Variants in RREB1 observed in about 807,000 individuals in gnomAD.
The protein encoded by RREB1 is ras responsive element binding protein 1, also known as ras-responsive element-binding protein 1.
A neutral mutation model predicts 117.8 loss-of-function variants in RREB1; 27 were observed. The ratio of observed to expected loss-of-function variants is 0.23; its 90% CI spans 0.17 to 0.32. The LOEUF (loss-of-function observed/expected upper bound fraction) is 0.32. Ranked by LOEUF, RREB1 falls within the 10% of genes least tolerant of loss-of-function variation. RREB1 has a pLI of 1.00. For synonymous variants in RREB1, 1,298 were observed against 1,026.7 expected, an observed-to-expected ratio of 1.26 and a Z score of -5.05; for missense variants, 2,577 against 2,378.2, an observed-to-expected ratio of 1.08 and a Z score of -1.74.
chr6:7,211,131 GC>G (rs1352442378), intron 7 of RREB1, among the ~76,000 whole-genome samples, 183 bp downstream of exon 7: 1 of 152,234 alleles, frequency 6.6e-6, no homozygotes, highest in Non-Finnish European at 1.5e-5. Flanking sequence ...TTCCTCTTGA[GC>G]CCCTCTGCTG....
intron 6 of RREB1, among the ~76,000 whole-genome samples, chr6:7,205,966 G>T (rs1766249367): frequency 6.6e-6 from 1 of 152,158 alleles, no homozygotes; most frequent in African/African-American, 2.4e-5. Flanking sequence ...AAAAACATCT[G>T]CTATATTTGT....
At chr6:7,202,622 G>A (rs1228986357) in intron 6 of RREB1, among the ~76,000 whole-genome samples, 1 of 152,182 alleles carries the variant, frequency 6.6e-6, no homozygotes, top group Non-Finnish European at 1.5e-5. Context: ...GGGATATTCA[G>A]CATCCCTGCT....
Position 7,160,588 on chromosome 6 carries a change from C to G in RREB1, c.-284-16067C>G, listed in dbSNP as rs148985015. Among the ~76,000 whole-genome samples the G allele has an allele frequency of 2.7e-4, 41 of 152,270 alleles. 2 individuals carry two copies. The East Asian group carries it at 7.9e-3, about 29-fold the overall frequency. ...GCAGTGGTGTGATCACCGCTCACTG[C>G]AGCCTTGACCTCCTGAGCTCAAACA... On this transcript the variant is annotated intron_variant, in intron 1 of 12. Coordinates refer to ENST00000379938, the MANE Select transcript of RREB1 (RefSeq NM_001003699.4).
chr6:7,144,057 T>C (rs1487730367), intron 1 of RREB1, among the ~76,000 whole-genome samples: 1 of 149,128 alleles, frequency 6.7e-6, no homozygotes, highest in Middle Eastern at 3.2e-3. Flanking sequence ...TTTTGTGGCT[T>C]GGTTTTGCAC....
At chr6:7,154,343 TATC>T (rs1417715598) in intron 1 of RREB1, among the ~76,000 whole-genome samples, 1 of 152,194 alleles carries the variant, frequency 6.6e-6, no homozygotes, top group Non-Finnish European at 1.5e-5. Context: ...AGAAATCTGT[TATC>T]ATAAGCTCTC....
intron 8 of RREB1, among the ~76,000 whole-genome samples, chr6:7,224,783 T>C (rs1767485377): frequency 6.6e-6 from 1 of 152,150 alleles, no homozygotes; most frequent in Non-Finnish European, 1.5e-5. Flanking sequence ...ATTATCCAGA[T>C]CTGTCCCTTC....
In RREB1 at chr6:7,230,465, C is replaced by T; in HGVS notation, c.2366C>T (p.Pro789Leu). The T allele has an allele frequency of 1.3e-6, 2 of 1,594,398 alleles. No homozygotes were observed. Among genetic ancestry groups the T allele is most frequent in the South Asian group, 1.1e-5 (1 of 90,668 alleles). The change falls in exon 10 of 13, where the codon CCC becomes CTC. Residue 789 changes from proline to leucine, a missense_variant. Physicochemically the swap from Pro to Leu is moderately conservative, Grantham distance 98 (BLOSUM62 -3). Coordinates refer to ENST00000379938, the MANE Select transcript of RREB1 (RefSeq NM_001003699.4). ...GLGGGHKGRK[P>L]FECKECSAAF... is the part of the protein sequence containing the mutation. ...GGCGGGGGCCACAAGGGCCGCAAGC[C>T]CTTCGAGTGCAAGGAGTGCAGCGCC...
Position 7,229,609 on chromosome 6 carries a change from A to C in RREB1, c.1510A>C (p.Met504Leu), listed in dbSNP as rs376187269. The C allele has an allele frequency of 3.7e-6, 6 of 1,612,426 alleles. No individual in the cohort carries two copies. The highest frequency in any genetic ancestry group is 4.2e-6 in the Non-Finnish European group (5 of 1,179,232). Residue 504 changes from methionine (M) to leucine (L), a missense_variant, in exon 10 of 13, where the codon ATG (methionine) becomes CTG (leucine). Met to Leu is a conservative substitution (Grantham distance 15). Coordinates refer to ENST00000379938, the MANE Select transcript of RREB1 (RefSeq NM_001003699.4). This position sits in a 1 kb window ranked among gnomAD's most constrained non-coding sequence, Gnocchi z 4.5. Reference protein sequence around the residue: ...AAPLQAIFKHMPPLKPKPLVT... With the variant: ...AAPLQAIFKHLPPLKPKPLVT... Reference sequence around the variant, plus strand: ...CCCACTGCAGGCGATCTTCAAGCACATGCCCCCTCTGAAGCCAAAGCCCCT... The same window carrying C: ...CCCACTGCAGGCGATCTTCAAGCACCTGCCCCCTCTGAAGCCAAAGCCCCT...
intron 1 of RREB1, among the ~76,000 whole-genome samples, chr6:7,172,155 A>G (rs190131598): frequency 6.6e-6 from 1 of 152,210 alleles, no homozygotes; most frequent in African/African-American, 2.4e-5. Flanking sequence ...TTCGTTGCCC[A>G]GGCTGGTCTC....
rs397834173 is a variant in RREB1, at chr6:7,251,493, T to C, written c.*2525T>C. 1 of 139,870 alleles carries C rather than the reference T, an allele frequency of 7.1e-6. No individual in the cohort carries two copies. Among genetic ancestry groups the C allele is most frequent in the Non-Finnish European group, 1.5e-5 (1 of 64,766 alleles). 8.7% of individuals were successfully genotyped at this position (139,870 alleles called of 1,614,324 possible). A position where few individuals can be genotyped will look rare whatever the true frequency, so the allele number is the denominator to read the frequency against. On this transcript the variant is annotated 3_prime_UTR_variant, in exon 13 of 13. Coordinates refer to ENST00000379938, the MANE Select transcript of RREB1 (RefSeq NM_001003699.4). ...TTTGAGGTGCAAGTTTTTTCTCTTT[T>C]TTTTTTTTTTTTTTTTTTCTCATTG...
chr6:7,110,475 G>GTGT (rs1308811809), intron 1 of RREB1, among the ~76,000 whole-genome samples: 69 of 61,602 alleles, frequency 1.1e-3, no homozygotes, highest in Non-Finnish European at 2.8e-3. Context: ...CTAATTTTAG[G>GTGT]GGTGGTGTGT....
intron 1 of RREB1, among the ~76,000 whole-genome samples, chr6:7,114,568 G>A: frequency 6.6e-6 from 1 of 152,046 alleles, no homozygotes; most frequent in East Asian, 1.9e-4. Flanking sequence ...ACCCCCATAC[G>A]TCAGCAGAGC....
chr6:7,236,709 A>C (rs1768341391), intron 10 of RREB1, among the ~76,000 whole-genome samples: 1 of 151,786 alleles, frequency 6.6e-6, no homozygotes, highest in East Asian at 1.9e-4. Context: ...TCTTTGAAAA[A>C]TGAACAGAAA....
At chr6:7,163,158 A>G (rs539962525) in intron 1 of RREB1, among the ~76,000 whole-genome samples, 1 of 152,334 alleles carries the variant, frequency 6.6e-6, no homozygotes, top group South Asian at 2.1e-4. Flanking sequence ...GTTAAAGTTT[A>G]ACTACAAGGA....
intron 8 of RREB1, among the ~76,000 whole-genome samples, chr6:7,220,119 C>T (rs971712528): frequency 6.6e-5 from 10 of 152,286 alleles, no homozygotes; most frequent in Admixed American, 4.6e-4. Flanking sequence ...AGGCAGGACC[C>T]ACAGTTCAGC....
intron 1 of RREB1, among the ~76,000 whole-genome samples, chr6:7,136,931 G>T (rs1333741891): frequency 1.3e-5 from 2 of 152,220 alleles, no homozygotes; most frequent in African/African-American, 4.8e-5. Context: ...ACAGAAACTT[G>T]ATAGAAATAT....
Position 7,249,129 on chromosome 6 carries a change from C to T in RREB1, c.*161C>T. On this transcript the variant is annotated 3_prime_UTR_variant, in exon 13 of 13. Coordinates refer to ENST00000379938, the MANE Select transcript of RREB1 (RefSeq NM_001003699.4). ...ACAAGCAGGAGCGTGGCTGCTCGCT[C>T]AGTGCCATAGCCTTACCGCAGCCTG... 1 of 663,214 alleles carries T rather than the reference C, an allele frequency of 1.5e-6. No individual in the cohort carries two copies. The highest frequency in any genetic ancestry group is 2.5e-6 in the Non-Finnish European group (1 of 405,340). 41.1% of individuals were successfully genotyped at this position (663,214 alleles called of 1,614,324 possible).
In RREB1 at chr6:7,229,237, G is replaced by A. The variant is rs747673605; in HGVS notation, c.1138G>A (p.Ala380Thr). The A allele has an allele frequency of 2.6e-5, 42 of 1,613,928 alleles. No homozygotes were observed. Among genetic ancestry groups the A allele is most frequent in the Admixed American group, 5.0e-5 (3 of 60,010 alleles). Residue 380 changes from alanine to threonine, a missense_variant, in exon 10 of 13, where the codon GCC (alanine) becomes ACC (threonine). Ala to Thr is a moderately conservative substitution (Grantham distance 58, BLOSUM62 0). Transcript: ENST00000379938. The surrounding 1 kb of genome is among the most constrained non-coding windows in gnomAD (Gnocchi z 4.5). ...CACCAAAGACGTCAGGCCTGCCCCCGCCGAGGAGCCCCTGCCGGATGACAA... is the reference window on the plus strand; with the variant it reads ...CACCAAAGACGTCAGGCCTGCCCCCACCGAGGAGCCCCTGCCGGATGACAA... Reference protein sequence around the residue: ...QHTKDVRPAPAEEPLPDDNQA... With the variant: ...QHTKDVRPAPTEEPLPDDNQA...
At chr6:7,208,019 A>G (rs2113610832) in intron 6 of RREB1, among the ~76,000 whole-genome samples, 1 of 152,308 alleles carries the variant, frequency 6.6e-6, no homozygotes, top group South Asian at 2.1e-4. Flanking sequence ...GGGACTTTCT[A>G]TGCAGAGTAG....
Sources: gnomAD v4.1 joint callset for allele counts (sites outside exome capture counted in the v4.1 genomes callset) on GRCh38, gnomAD v4.1.1 for gene constraint, Gnocchi (gnomAD v3.1) non-coding constraint, MANE v1.5 for transcripts, NCBI Gene and HGNC (gene_info 2026-07-23, HGNC 2026-07-21) for gene names.